Variants in SLC41A3 observed in about 807,000 individuals in gnomAD.
SLC41A3 encodes the protein SLC41A1-like 2.
Under a neutral mutation model 45.4 loss-of-function variants are expected in SLC41A3, and 44 were observed. The observed-to-expected ratio is 0.97, with a 90% confidence interval of 0.76 to 1.25. The LOEUF (loss-of-function observed/expected upper bound fraction) is 1.25, where lower values mean the gene tolerates loss of function less well. Ranked by LOEUF, SLC41A3 falls within the 50% of genes most tolerant of loss-of-function variation. SLC41A3 has a pLI of 0.00. For missense variants in SLC41A3, 550 were observed against 600.6 expected (o/e 0.92, Z 0.88); for synonymous variants, 256 against 252.4 (o/e 1.01, Z -0.13).
intron 3 of SLC41A3, among the ~76,000 whole-genome samples, chr3:126,050,650 G>C (rs1283893672): frequency 6.6e-6 from 1 of 152,202 alleles, no homozygotes; most frequent in Non-Finnish European, 1.5e-5. Flanking sequence ...GTGGATGCGG[G>C]TGGCAGGGCG....
intron 2 of SLC41A3, among the ~76,000 whole-genome samples, chr3:126,067,094 C>CGGGCG (rs149577703): frequency 7.9e-6 from 1 of 126,296 alleles, no homozygotes; most frequent in Middle Eastern, 4.0e-3. Flanking sequence ...GGTTGGACCG[C>CGGGCG]CCCCCCGCCC....
intron 2 of SLC41A3, 83 bp downstream of exon 2, chr3:126,067,864 G>T: frequency 6.7e-7 from 1 of 1,481,720 alleles, no homozygotes; most frequent in Non-Finnish European, 9.0e-7. Flanking sequence ...CAACCTTTAA[G>T]CTCAACCTTA....
intron 1 of SLC41A3, among the ~76,000 whole-genome samples, chr3:126,072,042 T>C (rs1000232780): frequency 4.6e-5 from 7 of 152,150 alleles, no homozygotes; most frequent in Admixed American, 2.6e-4. Flanking sequence ...CCCAAAGTGC[T>C]AGGATTACAG....
At chr3:126,055,727 G>A (rs922573435) in intron 2 of SLC41A3, among the ~76,000 whole-genome samples, 1 of 152,052 alleles carries the variant, frequency 6.6e-6, no homozygotes, top group African/African-American at 2.4e-5. Flanking sequence ...ATTCCAATAC[G>A]CTGCCCAAAC....
chr3:126,078,507 T>C (rs922656815), intron 1 of SLC41A3, among the ~76,000 whole-genome samples: 9 of 151,716 alleles, frequency 5.9e-5, no homozygotes, highest in African/African-American at 2.2e-4. Flanking sequence ...CCCAGAACCA[T>C]GAGGAGGAAG....
chr3:126,068,350 C>G, intron 1 of SLC41A3, 104 bp from the exon 2 acceptor site: 1 of 1,085,994 alleles, frequency 9.2e-7, no homozygotes, highest in Non-Finnish European at 1.2e-6. Flanking sequence ...GGCATGGTCC[C>G]ATCCAACCCA....
At chr3:126,065,224 C>A (rs1420309386) in intron 2 of SLC41A3, among the ~76,000 whole-genome samples, 1 of 152,234 alleles carries the variant, frequency 6.6e-6, no homozygotes, top group African/African-American at 2.4e-5. Flanking sequence ...GCTGTTGAGA[C>A]CCTGAGCAGA....
intron 9 of SLC41A3, among the ~76,000 whole-genome samples, chr3:126,010,521 A>C (rs945679546): frequency 6.6e-6 from 1 of 152,238 alleles, no homozygotes; most frequent in Non-Finnish European, 1.5e-5. Context: ...AAGGCCAGGA[A>C]AGGGGAAGCC....
chr3:126,021,062 T>A (rs1580419620), intron 6 of SLC41A3, among the ~76,000 whole-genome samples: 1 of 152,212 alleles, frequency 6.6e-6, no homozygotes, highest in East Asian at 1.9e-4. Context: ...GCCTTGCTAA[T>A]TTTTTGTATT....
chr3:126,015,397 G>A, intron 8 of SLC41A3, 97 bp downstream of exon 8: 1 of 1,228,800 alleles, frequency 8.1e-7, no homozygotes, highest in East Asian at 2.4e-5. Context: ...CCTGTGCGGG[G>A]CTGGTGCTGC....
intron 2 of SLC41A3, among the ~76,000 whole-genome samples, chr3:126,051,349 T>TGC (rs1943324607): frequency 6.6e-6 from 1 of 152,174 alleles, no homozygotes; most frequent in Non-Finnish European, 1.5e-5. Context: ...TCTAGAGGCA[T>TGC]GCACAGGTCC....
At chr3:126,051,900 C>T (rs35839813) in intron 2 of SLC41A3, among the ~76,000 whole-genome samples, 35,089 of 151,978 alleles carry the variant, frequency 0.23, 4,477 homozygotes, top group Non-Finnish European at 0.28. Context: ...CCCTGTCCAT[C>T]CCCTACAAGG....
upstream of SLC41A3, chr3:126,084,410 T>C (rs17523366): frequency 0.67 from 101,633 of 152,070 alleles, 34,376 homozygotes; most frequent in African/African-American, 0.76. Flanking sequence ...GAGAGGCGCC[T>C]ATGCGGCTGC....
rs1491429929 is a variant in SLC41A3 at position 126,079,247 on chromosome 3, C to CACAT, written c.-28+4845_-28+4846insATGT. On this transcript the variant is annotated intron_variant, in intron 1 of 10. Transcript: ENST00000360370. ...ACACACACACACACACACCCACACA[C>CACAT]GATCAGGGATTTAAATTCCTTAAGG... Among the ~76,000 whole-genome samples, 11 of 148,062 alleles carry CACAT rather than the reference C, an allele frequency of 7.4e-5. No individual in the cohort carries two copies. In the South Asian group the frequency reaches 1.3e-3, roughly 18 times the overall value.
intron 2 of SLC41A3, among the ~76,000 whole-genome samples, chr3:126,052,630 C>T (rs1943405895): frequency 6.6e-6 from 1 of 152,150 alleles, no homozygotes; most frequent in African/African-American, 2.4e-5. Flanking sequence ...CCATCTGCTG[C>T]TCTCCCTGCA....
chr3:126,029,373 C>CA (rs984216437), intron 4 of SLC41A3, among the ~76,000 whole-genome samples: 1 of 151,852 alleles, frequency 6.6e-6, no homozygotes, highest in African/African-American at 2.4e-5. Context: ...CACTCCCTCC[C>CA]CCACCACTCT....
At chr3:126,070,007 A>G (rs1944540702) in intron 1 of SLC41A3, among the ~76,000 whole-genome samples, 1 of 152,218 alleles carries the variant, frequency 6.6e-6, no homozygotes, top group Non-Finnish European at 1.5e-5. Context: ...AAGCATAACA[A>G]TATAAATGTT....
chr3:126,093,817 G>A (rs893308276), intron 1 of SLC41A3, among the ~76,000 whole-genome samples: 4 of 152,096 alleles, frequency 2.6e-5, no homozygotes, highest in South Asian at 2.1e-4. Context: ...CAGCTTAATG[G>A]GTAAATCAAA....
chr3:126,065,139 A>T (rs1427982252), intron 2 of SLC41A3, among the ~76,000 whole-genome samples: 1 of 152,222 alleles, frequency 6.6e-6, no homozygotes, highest in Non-Finnish European at 1.5e-5. Context: ...TTCTGAAGAC[A>T]GGACTATGCT....
Sources: gnomAD v4.1 joint callset for allele counts (sites outside exome capture counted in the v4.1 genomes callset) on GRCh38, gnomAD v4.1.1 for gene constraint, MANE v1.5 for transcripts, NCBI Gene and HGNC (gene_info 2026-07-23, HGNC 2026-07-21) for gene names.